The following PLCL1 variants were observed in gnomAD, a reference collection of about 807,000 sequenced individuals.
PLCL1 encodes inactive phospholipase C-like protein 1.
PLCL1 carries 41 observed loss-of-function variants against 84.4 expected under a neutral mutation model. The observed-to-expected ratio is 0.49, with a 90% CI of 0.38 to 0.63. PLCL1 has a LOEUF of 0.63. Ranked by LOEUF, PLCL1 falls within the 30% of genes least tolerant of loss-of-function variation. PLCL1 has a pLI of 0.00. For synonymous variants in PLCL1, 490 were observed against 488.3 expected, an observed-to-expected ratio of 1.00 and a Z score of -0.05; for missense variants, 1,206 against 1,367.8, an observed-to-expected ratio of 0.88 and a Z score of 1.87.
chr2:197,866,610 C>T (rs186077095), intron 1 of PLCL1, among the ~76,000 whole-genome samples: 6 of 152,198 alleles, frequency 3.9e-5, no homozygotes, highest in Admixed American at 3.3e-4. Flanking sequence ...TCCAGCAGCC[C>T]TCATCTAATA....
intron 1 of PLCL1, among the ~76,000 whole-genome samples, chr2:197,883,237 T>C (rs1687860274): frequency 2.6e-5 from 4 of 152,202 alleles, no homozygotes; most frequent in Admixed American, 1.3e-4. Context: ...ATCCTTCCTT[T>C]TGATTACTTA....
intron 1 of PLCL1, among the ~76,000 whole-genome samples, chr2:197,950,709 A>T (rs1559054112): frequency 1.3e-5 from 2 of 152,130 alleles, no homozygotes; most frequent in African/African-American, 4.8e-5. Flanking sequence ...ATATTTTAAT[A>T]TTTTTACTGA....
chr2:198,101,704 C>T (rs752910532), intron 4 of PLCL1, among the ~76,000 whole-genome samples: 14 of 152,016 alleles, frequency 9.2e-5, no homozygotes, highest in Non-Finnish European at 1.5e-4. Flanking sequence ...CCTTAAAACC[C>T]ACTTCAATTT....
chr2:197,891,170 T>G (rs868522387), intron 1 of PLCL1, among the ~76,000 whole-genome samples: 1 of 152,078 alleles, frequency 6.6e-6, no homozygotes, highest in African/African-American at 2.4e-5. Flanking sequence ...ATTTAGGTAC[T>G]GAAAGAGGAA....
intron 1 of PLCL1, among the ~76,000 whole-genome samples, chr2:197,865,554 A>C (rs1687512931): frequency 6.6e-6 from 1 of 152,214 alleles, no homozygotes; most frequent in African/African-American, 2.4e-5. Flanking sequence ...AGCTTAGATC[A>C]GTGAATTCTT....
intron 2 of PLCL1, among the ~76,000 whole-genome samples, chr2:198,086,930 A>G (rs775593375): frequency 6.6e-6 from 1 of 152,202 alleles, no homozygotes; most frequent in Non-Finnish European, 1.5e-5. Context: ...ATTTGCATAT[A>G]TGATCATGAA....
At chr2:198,082,898 G>A (rs987201968) in intron 1 of PLCL1, among the ~76,000 whole-genome samples, 4 of 152,134 alleles carry the variant, frequency 2.6e-5, no homozygotes, top group Non-Finnish European at 5.9e-5. Flanking sequence ...ATGATCTGTT[G>A]GCCCTGTTGG....
chr2:197,806,555 TG>T (rs749458697), intron 1 of PLCL1, among the ~76,000 whole-genome samples: 24 of 151,904 alleles, frequency 1.6e-4, no homozygotes, highest in Non-Finnish European at 3.2e-4. Flanking sequence ...TAAAGAAGAG[TG>T]GGTGGTAATT....
intron 1 of PLCL1, among the ~76,000 whole-genome samples, chr2:198,014,875 C>A (rs1690957077): frequency 6.6e-6 from 1 of 152,062 alleles, no homozygotes; most frequent in Non-Finnish European, 1.5e-5. Flanking sequence ...CTTTTTATGT[C>A]ATCAATTCTG....
chr2:197,949,058 G>GGAAT lies in PLCL1; in HGVS notation c.241-134698_241-134695dup, dbSNP rs571268763. Among the ~76,000 whole-genome samples the GGAAT allele has an allele frequency of 1.0e-3, 158 of 152,230 alleles. 2 individuals carry two copies. Among genetic ancestry groups the GGAAT allele is most frequent in the African/African-American group, 3.7e-3 (155 of 41,552 alleles). ...CTCTGCATGCCAGAGCCTGCCAGGG[G>GGAAT]GAATGTTCAGAGATCAGAGGCAAGA... On this transcript the variant is annotated intron_variant, in intron 1 of 5. Transcript: ENST00000428675.
intron 3 of PLCL1, among the ~76,000 whole-genome samples, chr2:198,095,816 C>A (rs1447455181): frequency 6.6e-6 from 1 of 152,150 alleles, no homozygotes; most frequent in African/African-American, 2.4e-5. Flanking sequence ...TTAGCTCCAG[C>A]CCTAATGTTT....
chr2:197,874,170 A>G (rs1687696048), intron 1 of PLCL1, among the ~76,000 whole-genome samples: 1 of 152,164 alleles, frequency 6.6e-6, no homozygotes, highest in South Asian at 2.1e-4. Context: ...TCACATTTCC[A>G]TAGTAAATAT....
intron 1 of PLCL1, among the ~76,000 whole-genome samples, chr2:197,992,042 C>A (rs1424834964): frequency 6.7e-6 from 1 of 150,292 alleles, no homozygotes; most frequent in Non-Finnish European, 1.5e-5. Context: ...TCTCAGCATT[C>A]ATTTTTTTTT....
intron 1 of PLCL1, among the ~76,000 whole-genome samples, chr2:197,928,033 A>G (rs1688866071): frequency 7.3e-6 from 1 of 136,974 alleles, no homozygotes; most frequent in South Asian, 2.4e-4. Context: ...GTTTGATGGT[A>G]TGATTTTTTT....
chr2:198,085,023 A>T lies in PLCL1; in HGVS notation c.1506A>T (p.Val502=). 1.2e-6 allele frequency: 2 copies of T among 1,614,084 alleles called. No homozygotes were observed. The highest frequency in any genetic ancestry group is 1.7e-6 in the Non-Finnish European group (2 of 1,179,994). ...GNHCSLPQQK[V]MAQQMKKVFG... ...ACTGCTCCTTGCCGCAGCAGAAGGTAATGGCTCAACAGATGAAAAAGGTCT... is the reference window on the plus strand; with the variant it reads ...ACTGCTCCTTGCCGCAGCAGAAGGTTATGGCTCAACAGATGAAAAAGGTCT... Residue 502 remains valine, a synonymous_variant, in exon 2 of 6, where the codon GTA becomes GTT. Coordinates refer to ENST00000428675, the MANE Select transcript of PLCL1 (RefSeq NM_006226.4). The surrounding 1 kb of genome is among the most constrained non-coding windows in gnomAD (Gnocchi z 5.3).
chr2:197,987,769 G>A (rs76860456), intron 1 of PLCL1, among the ~76,000 whole-genome samples: 1,786 of 152,316 alleles, frequency 0.012, 37 homozygotes, highest in African/African-American at 0.041. Flanking sequence ...TGGTTTTAGT[G>A]AGGGTCTGCT....
intron 5 of PLCL1, among the ~76,000 whole-genome samples, chr2:198,127,591 G>T (rs766536136): frequency 6.6e-6 from 1 of 152,154 alleles, no homozygotes; most frequent in Non-Finnish European, 1.5e-5. Context: ...GAAAATGTGT[G>T]TACATAGTGT....
chr2:198,070,351 A>ATATGC (rs1357033800), intron 1 of PLCL1, among the ~76,000 whole-genome samples: 1 of 152,104 alleles, frequency 6.6e-6, no homozygotes, highest in Non-Finnish European at 1.5e-5. Flanking sequence ...GGGTACATTC[A>ATATGC]TATGCTTACA....
intron 1 of PLCL1, among the ~76,000 whole-genome samples, chr2:198,039,379 T>C (rs1284027661): frequency 6.6e-6 from 1 of 152,220 alleles, no homozygotes; most frequent in Non-Finnish European, 1.5e-5. Context: ...GTTGAAATCT[T>C]ATTCCTGTAG....
Sources: gnomAD v4.1 joint callset for allele counts (sites outside exome capture counted in the v4.1 genomes callset) on GRCh38, gnomAD v4.1.1 for gene constraint, Gnocchi (gnomAD v3.1) non-coding constraint, MANE v1.5 for transcripts, NCBI Gene and HGNC (gene_info 2026-07-23, HGNC 2026-07-21) for gene names.